TERF1: variants seen among roughly 807,000 people sequenced by gnomAD.
The protein encoded by TERF1 is telomeric repeat-binding factor 1.
A neutral mutation model predicts 55.1 loss-of-function variants in TERF1; 20 were observed. The ratio of observed to expected loss-of-function variants is 0.36; its 90% confidence interval spans 0.26 to 0.53. The LOEUF is 0.53. TERF1 is among the 20% of genes least tolerant of loss of function. TERF1 has a pLI of 0.91. For synonymous variants in TERF1, 168 were observed against 181.2 expected, an observed-to-expected ratio of 0.93 and a Z score of 0.59; for missense variants, 439 against 535.7, an observed-to-expected ratio of 0.82 and a Z score of 1.78.
chr8:73,037,658 TATA>T (rs1431239367), intron 8 of TERF1, among the ~76,000 whole-genome samples: 26 of 49,104 alleles, frequency 5.3e-4, no homozygotes, highest in African/African-American at 1.1e-3. Context: ...ATATTATATG[TATA>T]ATAATATTAT....
chr8:73,046,186 T>C lies in TERF1; in HGVS notation c.*49T>C. The C allele has an allele frequency of 4.9e-6, 7 of 1,419,934 alleles. No homozygotes were observed. Among genetic ancestry groups the C allele is most frequent in the Non-Finnish European group, 6.5e-6 (7 of 1,069,210 alleles). The allele number at this position is 1,419,934 out of a possible 1,614,324, so 88.0% of individuals were successfully genotyped here. On this transcript the variant is annotated 3_prime_UTR_variant, in exon 10 of 10. Coordinates refer to ENST00000276603, the MANE Select transcript of TERF1 (RefSeq NM_017489.3). The stretch of plus-strand genomic sequence containing the variant: ...AAGGACAGTTAAGTATTTTGATCAC[T>C]GCATTTTGTTTGAAACTTGTGTCAT...
At chr8:73,019,403 A>AT (rs373841766) in intron 2 of TERF1, among the ~76,000 whole-genome samples, 5 of 152,254 alleles carry the variant, frequency 3.3e-5, no homozygotes, top group African/African-American at 1.2e-4. Flanking sequence ...AGAGTCCTCC[A>AT]TTTTTTCCTC....
At chr8:73,014,785 T>TA (rs1392990475) in intron 2 of TERF1, among the ~76,000 whole-genome samples, 6 of 152,232 alleles carry the variant, frequency 3.9e-5, no homozygotes, top group Admixed American at 1.3e-4. Flanking sequence ...AGGCCTTCAC[T>TA]AAAGTATCTC....
chr8:73,045,088 T>C (rs1300370463), intron 9 of TERF1, among the ~76,000 whole-genome samples: 5 of 152,172 alleles, frequency 3.3e-5, no homozygotes, highest in Non-Finnish European at 5.9e-5. Flanking sequence ...AAAAAATTTT[T>C]TGGGTAACTG....
In TERF1 at chr8:73,046,273, G is replaced by A. The variant is rs1810028704; in HGVS notation, c.*136G>A. ...TATTTTTCTGTGACCATCAATTAAT[G>A]AGGGTTTGTGCTACCAGAGTTAAAG... On this transcript the variant is annotated 3_prime_UTR_variant, in exon 10 of 10. Coordinates refer to ENST00000276603, the MANE Select transcript of TERF1 (RefSeq NM_017489.3). 2 of 641,142 alleles carry A rather than the reference G, an allele frequency of 3.1e-6. No individual in the cohort carries two copies. The highest frequency in any genetic ancestry group is 5.0e-6 in the Non-Finnish European group (2 of 403,838). The allele number at this position is 641,142 out of a possible 1,614,324, so 39.7% of individuals were successfully genotyped here.
intron 1 of TERF1, chr8:73,010,451 G>A (rs1452234871): frequency 1.3e-5 from 2 of 152,216 alleles, no homozygotes; most frequent in Admixed American, 1.3e-4. Flanking sequence ...TTTAGCTCAT[G>A]TAGGTATAGA....
intron 4 of TERF1, among the ~76,000 whole-genome samples, chr8:73,023,628 C>T (rs904552649): frequency 6.6e-6 from 1 of 152,140 alleles, no homozygotes; most frequent in Non-Finnish European, 1.5e-5. Context: ...TTCTACTCTG[C>T]TTATACCTCC....
intron 3 of TERF1, among the ~76,000 whole-genome samples, chr8:73,021,788 T>A (rs1329026520): frequency 1.3e-5 from 2 of 152,182 alleles, no homozygotes; most frequent in Non-Finnish European, 2.9e-5. Flanking sequence ...GCTTCTTAGG[T>A]GTGTATTAGA....
Position 73,039,210 on chromosome 8 carries a change from A to G in TERF1, c.1134A>G (p.Arg378=), listed in dbSNP as rs371945488. 3.1e-6 allele frequency: 5 copies of G among 1,600,616 alleles called. No individual in the cohort carries two copies. The highest frequency in any genetic ancestry group is 4.3e-6 in the Non-Finnish European group (5 of 1,174,002). Residue 378 remains arginine, a synonymous_variant, in exon 9 of 10, where the codon AGA becomes AGG. Transcript: ENST00000276603. ...QPVTPEKHRA[R]KRQAWLWEED... ...TAACTCCTGAAAAACATCGAGCTAG[A>G]AAAAGACAGGTATTTGGTTTTTTAA... is the stretch of plus-strand genomic sequence containing the variant.
At position 73,039,046 on chromosome 8, in the gene TERF1, A is replaced by C. The variant is rs1278588378; in HGVS notation, c.1040-70A>C. On this transcript the variant is annotated intron_variant, in intron 8 of 9. Coordinates refer to ENST00000276603, the MANE Select transcript of TERF1 (RefSeq NM_017489.3). ...TTAGAAAAGGAATTTCATTATAATC[A>C]TTAAAAATATAATTGCTCTTTTTTC... The C allele has an allele frequency of 3.8e-6, 4 of 1,065,674 alleles. No homozygotes were observed. In the Admixed American group the frequency reaches 1.2e-4, roughly 31 times the overall value. 66.0% of individuals were successfully genotyped at this position (1,065,674 alleles called of 1,614,324 possible). A position where few individuals can be genotyped will look rare whatever the true frequency, so the allele number is the denominator to read the frequency against.
At chr8:73,045,903 G>C in intron 9 of TERF1, 58 bp from the exon 10 acceptor site, 1 of 1,336,454 alleles carries the variant, frequency 7.5e-7, no homozygotes, top group Non-Finnish European at 9.9e-7. Context: ...ATTTATAGTA[G>C]GTATTTTCTT....
intron 4 of TERF1, among the ~76,000 whole-genome samples, chr8:73,022,628 A>G (rs1808813254): frequency 6.6e-6 from 1 of 152,026 alleles, no homozygotes; most frequent in Non-Finnish European, 1.5e-5. Context: ...AAAAATAAAT[A>G]CAATTTTCCA....
intron 1 of TERF1, chr8:73,009,413 C>A: frequency 1.8e-6 from 1 of 570,406 alleles, no homozygotes; most frequent in South Asian, 2.2e-5. Flanking sequence ...ATTTCCTCTT[C>A]GATAAAATGA....
At chr8:73,030,493 G>C in intron 7 of TERF1, 98 bp downstream of exon 7, 1 of 751,076 alleles carries the variant, frequency 1.3e-6, no homozygotes, top group Non-Finnish European at 2.0e-6. Context: ...TGGTACAATT[G>C]AAAGAATATC....
At chr8:73,031,855 A>AGAC (rs1414393286) in intron 7 of TERF1, 187 bp from the exon 8 acceptor site, 5 of 396,866 alleles carry the variant, frequency 1.3e-5, no homozygotes, top group Admixed American at 8.7e-5. Context: ...GAGAAAGATG[A>AGAC]GACAGGCAAC....
chr8:73,038,396 G>A (rs1004922713), intron 8 of TERF1, among the ~76,000 whole-genome samples: 1 of 151,946 alleles, frequency 6.6e-6, no homozygotes, highest in African/African-American at 2.4e-5. Flanking sequence ...TTGAGCCCAG[G>A]AGTTTGAGCT....
intron 2 of TERF1, among the ~76,000 whole-genome samples, chr8:73,015,832 T>G (rs1808480010): frequency 6.6e-6 from 1 of 152,120 alleles, no homozygotes; most frequent in African/African-American, 2.4e-5. Flanking sequence ...GTCATGAAAT[T>G]TAGAAATTCC....
intron 4 of TERF1, among the ~76,000 whole-genome samples, chr8:73,024,178 A>G (rs975885149): frequency 1.3e-5 from 2 of 152,218 alleles, no homozygotes; most frequent in Non-Finnish European, 2.9e-5. Context: ...CAATAATTGC[A>G]AGTAGCCTAA....
rs547998357 is a variant in TERF1, at chr8:73,045,879, T to G, written c.1144-82T>G. On this transcript the variant is annotated intron_variant, in intron 9 of 9. Transcript: ENST00000276603. ...TTAAGAAACTAAGCATTATTTTGATTTTTTAAAACTGGCATTTATAGTAGG... is the reference window on the plus strand; with the variant it reads ...TTAAGAAACTAAGCATTATTTTGATGTTTTAAAACTGGCATTTATAGTAGG... The G allele has an allele frequency of 1.7e-5, 20 of 1,144,962 alleles. No homozygotes were observed. The Admixed American group carries it at 3.9e-4, about 22-fold the overall frequency. 70.9% of individuals were successfully genotyped at this position (1,144,962 alleles called of 1,614,324 possible). A position where few individuals can be genotyped will look rare whatever the true frequency, so the allele number is the denominator to read the frequency against.
Sources: gnomAD v4.1 joint callset for allele counts (sites outside exome capture counted in the v4.1 genomes callset) on GRCh38, gnomAD v4.1.1 for gene constraint, MANE v1.5 for transcripts, NCBI Gene and HGNC (gene_info 2026-07-23, HGNC 2026-07-21) for gene names.